ACO2: variants seen among roughly 807,000 people sequenced by gnomAD.
ACO2 encodes aconitate hydratase, mitochondrial.
A neutral mutation model predicts 84.5 loss-of-function variants in ACO2; 31 were observed. That is an observed-to-expected ratio of 0.37 (90% CI 0.28 to 0.50). The LOEUF (loss-of-function observed/expected upper bound fraction) is 0.50, where lower values mean the gene tolerates loss of function less well. ACO2 is among the 20% of genes least tolerant of loss of function. The probability of loss-of-function intolerance (pLI) is 0.97; values close to 1 mark genes in which losing one functional copy is unlikely to be tolerated. For synonymous variants in ACO2, 414 were observed against 412.7 expected (o/e 1.00, Z -0.04); for missense variants, 685 against 1,029.3 (o/e 0.67, Z 4.58).
chr22:41,508,709 CCTT>C (rs1289376980), intron 3 of ACO2, among the ~76,000 whole-genome samples: 1 of 152,214 alleles, frequency 6.6e-6, no homozygotes, highest in Non-Finnish European at 1.5e-5. Flanking sequence ...AGTTCCTGCT[CCTT>C]CTCCCAGGCT....
In ACO2 at chr22:41,525,366, G is replaced by A. The variant is rs761344703; in HGVS notation, c.1761+18G>A. 17 of 1,612,288 alleles carry A rather than the reference G, an allele frequency of 1.1e-5. No individual in the cohort carries two copies. Among genetic ancestry groups the A allele is most frequent in the Admixed American group, 5.0e-5 (3 of 59,950 alleles). On this transcript the variant is annotated intron_variant, in intron 14 of 17. Transcript: ENST00000216254. ...TCATCAAGGTCAGCAGCATGGGGAC[G>A]GCAGGACAGCCCCACCCTGCCAGGG...
At chr22:41,473,621 T>C (rs6002390) in intron 1 of ACO2, among the ~76,000 whole-genome samples, 6,615 of 152,250 alleles carry the variant, frequency 0.043, 448 homozygotes, top group African/African-American at 0.15. Flanking sequence ...GGAAATTACG[T>C]AGAAAAATAA....
At position 41,527,301 on chromosome 22, in the gene ACO2, G is replaced by C. The variant is rs373935698; in HGVS notation, c.1967G>C (p.Arg656Thr). The C allele has an allele frequency of 4.3e-6, 7 of 1,614,108 alleles. No individual in the cohort carries two copies. The African/African-American group carries it at 6.7e-5, about 15-fold the overall frequency. The change falls in exon 16 of 18, where the codon AGG becomes ACG. Residue 656 changes from arginine to threonine, a missense_variant. Arg to Thr is a moderately conservative substitution (Grantham distance 71). Transcript: ENST00000216254. ...CTTGCCTGACAGAAACATGGCATCA[G>C]GTGGGTGGTGATCGGAGACGAGAAC... The part of the protein sequence containing the change: ...TARYYKKHGI[R>T]WVVIGDENYG...
chr22:41,523,359 G>C, intron 11 of ACO2, 81 bp downstream of exon 11: 1 of 1,151,026 alleles, frequency 8.7e-7, no homozygotes. Context: ...AATTATTGGG[G>C]TGGAGAGAAG....
Position 41,489,203 on chromosome 22 carries a change from C to T in ACO2, c.37-10523C>T, listed in dbSNP as rs8141415. ...GACTACAGGCGTGTGCCACCTTGCT[C>T]GGCTAATTTTGTTTATCCTTTGTGG... On this transcript the variant is annotated intron_variant, in intron 1 of 17. Coordinates refer to ENST00000216254, the MANE Select transcript of ACO2 (RefSeq NM_001098.3). 4.3e-3 allele frequency among the ~76,000 whole-genome samples: 656 copies of T among 152,244 alleles called. 6 individuals carry two copies. The highest frequency in any genetic ancestry group is 0.015 in the African/African-American group (608 of 41,534).
chr22:41,521,237 C>A (rs979758914), intron 9 of ACO2: 7 of 152,154 alleles, frequency 4.6e-5, no homozygotes. Flanking sequence ...ATAGATTTTC[C>A]CGTTTTACAT....
chr22:41,525,108 G>A, intron 13 of ACO2, 85 bp from the exon 14 acceptor site: 1 of 1,593,746 alleles, frequency 6.3e-7, no homozygotes, highest in Non-Finnish European at 8.6e-7. Context: ...GGGGAGGTGG[G>A]GCCCGAGGAA....
chr22:41,525,552 C>T (rs2066576591), intron 14 of ACO2, among the ~76,000 whole-genome samples: 1 of 152,354 alleles, frequency 6.6e-6, no homozygotes, highest in Non-Finnish European at 1.5e-5. Context: ...CTGGGCAGAG[C>T]TAGATCTGGC....
At position 41,528,018 on chromosome 22, in the gene ACO2, G is replaced by T. The variant is rs753583156; in HGVS notation, c.2204G>T (p.Gly735Val). ...TIQGLKDFTP[G>V]KPLKCIIKHP... ...CAGGGCCTGAAGGACTTCACCCCTG[G>T]CAAGGTTAGGGGCCCGGGTCCCCCT... Residue 735 changes from glycine (G) to valine (V), a missense_variant, in exon 17 of 18, where the codon GGC (glycine) becomes GTC (valine). Gly to Val is a moderately radical substitution (Grantham distance 109). Coordinates refer to ENST00000216254, the MANE Select transcript of ACO2 (RefSeq NM_001098.3). 1.2e-6 allele frequency: 2 copies of T among 1,614,036 alleles called. No individual in the cohort carries two copies. The highest frequency in any genetic ancestry group is 2.2e-5 in the East Asian group (1 of 44,888).
At chr22:41,513,853 A>T (rs1266876994) in intron 4 of ACO2, among the ~76,000 whole-genome samples, 1 of 152,098 alleles carries the variant, frequency 6.6e-6, no homozygotes, top group Non-Finnish European at 1.5e-5. Context: ...CGGGGAGCTC[A>T]CTGTCACGGC....
At chr22:41,526,670 A>G in intron 15 of ACO2, 1 of 520,040 alleles carries the variant, frequency 1.9e-6, no homozygotes, top group Non-Finnish European at 3.4e-6. Context: ...CTGCACCAGG[A>G]GGAGTTAGTG....
At chr22:41,523,108 G>A in intron 10 of ACO2, 97 bp from the exon 11 acceptor site, 2 of 1,535,860 alleles carry the variant, frequency 1.3e-6, no homozygotes, top group South Asian at 2.4e-5. Flanking sequence ...CTGCCCTGGG[G>A]TTCCAGTACA....
chr22:41,477,239 C>T (rs185174476), intron 1 of ACO2, among the ~76,000 whole-genome samples: 169 of 151,558 alleles, frequency 1.1e-3, no homozygotes, highest in African/African-American at 3.3e-3. Context: ...GTTCAAGCTC[C>T]GCCTCCCGGG....
intron 3 of ACO2, among the ~76,000 whole-genome samples, chr22:41,508,776 T>C (rs987298623): frequency 2.0e-5 from 3 of 152,182 alleles, no homozygotes; most frequent in East Asian, 1.9e-4. Context: ...GGCCTCTCTC[T>C]CCCAGCTCTG....
chr22:41,475,724 C>G (rs1448275495), intron 1 of ACO2, among the ~76,000 whole-genome samples: 2 of 151,704 alleles, frequency 1.3e-5, no homozygotes, highest in South Asian at 2.1e-4. Flanking sequence ...GAAACCCCAT[C>G]TTTACTAAAA....
intron 1 of ACO2, among the ~76,000 whole-genome samples, chr22:41,478,361 C>T (rs1486509469): frequency 1.3e-5 from 2 of 152,086 alleles, no homozygotes; most frequent in African/African-American, 4.8e-5. Context: ...CAAAGCTGGT[C>T]TCCAACTCCT....
At chr22:41,497,075 C>CT (rs886403606) in intron 1 of ACO2, among the ~76,000 whole-genome samples, 15 of 148,162 alleles carry the variant, frequency 1.0e-4, no homozygotes, top group South Asian at 8.7e-4. Context: ...TTTCTTTTTT[C>CT]TTTTTTTTTT....
chr22:41,513,744 TG>T (rs915868698), intron 4 of ACO2, among the ~76,000 whole-genome samples: 4 of 152,246 alleles, frequency 2.6e-5, no homozygotes, highest in African/African-American at 9.6e-5. Context: ...AATGTATGTG[TG>T]TGTTGTGTGG....
chr22:41,480,526 T>C (rs1303805856), intron 1 of ACO2, among the ~76,000 whole-genome samples: 1 of 152,150 alleles, frequency 6.6e-6, no homozygotes, highest in Non-Finnish European at 1.5e-5. Context: ...GAAAAACATC[T>C]GCCCGTAATC....
Sources: allele counts gnomAD v4.1 joint callset (sites outside exome capture counted in the v4.1 genomes callset), GRCh38; gene constraint gnomAD v4.1.1; transcripts MANE v1.5; gene names NCBI Gene and HGNC (gene_info 2026-07-23, HGNC 2026-07-21).